PLD1: variants seen among roughly 807,000 people sequenced by gnomAD.
PLD1 encodes choline phosphatase 1.
A neutral mutation model predicts 137.1 loss-of-function variants in PLD1; 112 were observed. That is an observed-to-expected ratio of 0.82 (90% CI 0.70 to 0.96). The LOEUF is 0.96. Ranked by LOEUF, PLD1 falls within the 40% of genes least tolerant of loss-of-function variation. PLD1 has a pLI of 0.00. For missense variants in PLD1, 1,321 were observed against 1,342.0 expected, an observed-to-expected ratio of 0.98 and a Z score of 0.24; for synonymous variants, 431 against 454.7, an observed-to-expected ratio of 0.95 and a Z score of 0.66.
At chr3:171,689,548 T>A (rs1388771511) in intron 13 of PLD1, among the ~76,000 whole-genome samples, 1 of 152,122 alleles carries the variant, frequency 6.6e-6, no homozygotes, top group African/African-American at 2.4e-5. Context: ...TCACTGAGGC[T>A]GGAGTGTAGA....
intron 6 of PLD1, 100 bp from the exon 7 acceptor site, chr3:171,726,176 G>T (rs540769807): frequency 6.6e-6 from 5 of 756,612 alleles, no homozygotes; most frequent in Non-Finnish European, 9.4e-6. Context: ...ATACTGTTTG[G>T]TGTGCTCCAC....
intron 1 of PLD1, among the ~76,000 whole-genome samples, chr3:171,744,291 C>T (rs577996882): frequency 6.6e-6 from 1 of 152,306 alleles, no homozygotes; most frequent in African/African-American, 2.4e-5. Context: ...AAGCCATGCA[C>T]CTGCTCCTCT....
At chr3:171,682,151 A>AGAAAGAAAGAAAGAAG (rs1714058424) in intron 16 of PLD1, among the ~76,000 whole-genome samples, 1 of 75,870 alleles carries the variant, frequency 1.3e-5, no homozygotes, top group South Asian at 3.3e-4. Flanking sequence ...AAAGAAAGAA[A>AGAAAGAAAGAAAGAAG]GAAAGAAAGA....
At chr3:171,799,366 G>GAA (rs781275693) in intron 1 of PLD1, among the ~76,000 whole-genome samples, 2 of 126,022 alleles carry the variant, frequency 1.6e-5, no homozygotes, top group Admixed American at 7.9e-5. Context: ...AAAAAAAGAG[G>GAA]AAAAAAAAAA....
At chr3:171,740,532 T>C (rs1719703611) in intron 1 of PLD1, among the ~76,000 whole-genome samples, 1 of 152,166 alleles carries the variant, frequency 6.6e-6, no homozygotes, top group Non-Finnish European at 1.5e-5. Flanking sequence ...TTTCTTAACA[T>C]AGTGAAGAAA....
At chr3:171,740,826 CA>C (rs1283989865) in intron 1 of PLD1, among the ~76,000 whole-genome samples, 1 of 152,202 alleles carries the variant, frequency 6.6e-6, no homozygotes, top group Non-Finnish European at 1.5e-5. Flanking sequence ...TTAATACTCA[CA>C]ATGACCCTAC....
chr3:171,764,871 GAAA>G (rs757834192), intron 1 of PLD1, among the ~76,000 whole-genome samples: 71 of 34,450 alleles, frequency 2.1e-3, no homozygotes, highest in Non-Finnish European at 2.8e-3. Flanking sequence ...AAGAAAGAAA[GAAA>G]GAAAGAAAGA....
chr3:171,796,286 G>A (rs865826101), intron 1 of PLD1, among the ~76,000 whole-genome samples: 1 of 152,162 alleles, frequency 6.6e-6, no homozygotes, highest in Non-Finnish European at 1.5e-5. Flanking sequence ...AATAGCCAAA[G>A]AGATGTTTAA....
intron 23 of PLD1, among the ~76,000 whole-genome samples, chr3:171,640,069 G>A (rs1473967680): frequency 6.6e-6 from 1 of 151,686 alleles, no homozygotes; most frequent in East Asian, 1.9e-4. Context: ...TACTTAGTCA[G>A]TCCACCTAAA....
intron 21 of PLD1, among the ~76,000 whole-genome samples, chr3:171,650,497 G>C (rs996927848): frequency 1.2e-4 from 19 of 152,152 alleles, no homozygotes; most frequent in African/African-American, 4.6e-4. Context: ...CCTTTCCAAA[G>C]ATCCAGGGCC....
At chr3:171,699,949 T>C in intron 11 of PLD1, 123 bp from the exon 12 acceptor site, 1 of 729,814 alleles carries the variant, frequency 1.4e-6, no homozygotes, top group Non-Finnish European at 2.4e-6. Context: ...TTGTGATGGG[T>C]AATCCAAAGC....
chr3:171,603,132 T>G lies in PLD1; in HGVS notation c.3171A>C (p.Leu1057=), dbSNP rs1409059593. Residue 1057 remains leucine, a synonymous_variant, in exon 27 of 27, where the codon CTA becomes CTC. Transcript: ENST00000351298. The stretch of plus-strand genomic sequence containing the variant: ...CCTCTTTGGTCCCAACAGAAGGCAG[T>G]AGGCTTTCTTCAGACAAGAAATAAA... ...FPFYFLSEES[L]LPSVGTKEAI... 3.1e-6 allele frequency: 5 copies of G among 1,613,960 alleles called. No individual in the cohort carries two copies. The Admixed American group carries it at 8.3e-5, about 27-fold the overall frequency.
In PLD1 at chr3:171,768,010, C is replaced by CATTATTATT. The variant is rs36100351; in HGVS notation, c.-31-29937_-31-29929dup. Among the ~76,000 whole-genome samples, 445 of 148,914 alleles carry CATTATTATT rather than the reference C, an allele frequency of 3.0e-3. 1 individual carries two copies. The highest frequency in any genetic ancestry group is 0.011 in the African/African-American group (427 of 40,588). On this transcript the variant is annotated intron_variant, in intron 1 of 26. Coordinates refer to ENST00000351298, the MANE Select transcript of PLD1 (RefSeq NM_002662.5). The stretch of plus-strand genomic sequence containing the variant: ...ACTTAGGAAATGACTTTTATGTGTT[C>CATTATTATT]ATTATTATTATTATTATTATTATTA...
intron 1 of PLD1, among the ~76,000 whole-genome samples, chr3:171,796,819 T>A (rs1314731229): frequency 6.6e-6 from 1 of 152,174 alleles, no homozygotes; most frequent in East Asian, 1.9e-4. Flanking sequence ...TACAGATGCA[T>A]CACATGACTG....
chr3:171,665,543 T>C (rs949694538), intron 19 of PLD1, among the ~76,000 whole-genome samples: 4 of 151,818 alleles, frequency 2.6e-5, no homozygotes, highest in African/African-American at 9.7e-5. Context: ...CTATTAAAAA[T>C]ACAAAAATTA....
chr3:171,702,333 A>T (rs976967794), intron 11 of PLD1, among the ~76,000 whole-genome samples: 2 of 152,016 alleles, frequency 1.3e-5, no homozygotes, highest in African/African-American at 2.4e-5. Context: ...GAAAAAATTT[A>T]AAAAATTAGC....
At chr3:171,711,860 A>G (rs912421343) in intron 9 of PLD1, among the ~76,000 whole-genome samples, 8 of 151,284 alleles carry the variant, frequency 5.3e-5, no homozygotes, top group Non-Finnish European at 8.8e-5. Context: ...TGGATTACAG[A>G]AAGTTTTTTC....
At chr3:171,747,776 G>A (rs1324465209) in intron 1 of PLD1, among the ~76,000 whole-genome samples, 1 of 152,154 alleles carries the variant, frequency 6.6e-6, no homozygotes, top group Non-Finnish European at 1.5e-5. Flanking sequence ...AGTAACTGCT[G>A]TTCTTAGCCC....
chr3:171,762,333 T>C (rs1379062193), intron 1 of PLD1, among the ~76,000 whole-genome samples: 1 of 152,234 alleles, frequency 6.6e-6, no homozygotes, highest in East Asian at 1.9e-4. Flanking sequence ...TCTCTTATAG[T>C]TGCAAACTCT....
Sources: allele counts gnomAD v4.1 joint callset (sites outside exome capture counted in the v4.1 genomes callset), GRCh38; gene constraint gnomAD v4.1.1; transcripts MANE v1.5; gene names NCBI Gene and HGNC (gene_info 2026-07-23, HGNC 2026-07-21).